The following CDHR2 variants were observed in gnomAD, a reference collection of about 807,000 sequenced individuals.
CDHR2 encodes the protein cadherin-related family member 2.
CDHR2 carries 104 observed loss-of-function variants against 138.6 expected under a neutral mutation model. That is an observed-to-expected ratio of 0.75 (90% CI 0.64 to 0.88). The LOEUF (loss-of-function observed/expected upper bound fraction) is 0.88, where lower values mean the gene tolerates loss of function less well. CDHR2 is among the 40% of genes least tolerant of loss of function. The pLI is 0.00. For synonymous variants in CDHR2, 755 were observed against 742.8 expected, an observed-to-expected ratio of 1.02 and a Z score of -0.27; for missense variants, 1,624 against 1,727.6, an observed-to-expected ratio of 0.94 and a Z score of 1.06.
Position 176,566,962 on chromosome 5 carries a change from G to A in CDHR2, c.124+1219G>A, listed in dbSNP as rs576871863. The A allele has an allele frequency of 1.3e-5, 6 of 456,302 alleles. No individual in the cohort carries two copies. In the East Asian group the frequency reaches 4.2e-4, roughly 32 times the overall value. The allele number at this position is 456,302 out of a possible 1,614,324, so 28.3% of individuals were successfully genotyped here. A position where few individuals can be genotyped will look rare whatever the true frequency, so the allele number is the denominator to read the frequency against. On this transcript the variant is annotated intron_variant, in intron 3 of 31. Transcript: ENST00000261944. ...TTGTTGCAGTGCAAAATGGAATCCA[G>A]GAATGTCGAAAGCTGCCAGATGAAA... is the stretch of plus-strand genomic sequence containing the variant.
rs772095322 is a variant in CDHR2 at position 176,590,702 on chromosome 5, GC to G, written c.3539+20del. The G allele has an allele frequency of 3.1e-6, 5 of 1,612,350 alleles. No homozygotes were observed. The highest frequency in any genetic ancestry group is 1.1e-5 in the South Asian group (1 of 91,004). ...GTGCGGAAGAGGTGCGGCTCCCATT[GC>G]CCCCGTGTCTCCAACCTTCACCCTC... On this transcript the variant is annotated intron_variant, in intron 28 of 31. Coordinates refer to ENST00000261944, the MANE Select transcript of CDHR2 (RefSeq NM_017675.6).
At chr5:176,586,616 G>A (rs1477025469) in intron 20 of CDHR2, 177 bp from the exon 21 acceptor site, 1 of 598,846 alleles carries the variant, frequency 1.7e-6, no homozygotes, top group South Asian at 2.1e-5. Context: ...CTGTGACAAT[G>A]GGAGGTGGAT....
intron 31 of CDHR2, among the ~76,000 whole-genome samples, 194 bp downstream of exon 31, chr5:176,592,974 G>A (rs1361852146): frequency 1.3e-5 from 2 of 152,190 alleles, no homozygotes; most frequent in East Asian, 1.9e-4. Flanking sequence ...GACCCTGAGA[G>A]ACTTCTTGCC....
At position 176,576,581 on chromosome 5, in the gene CDHR2, T is replaced by C. The variant is rs1482087872; in HGVS notation, c.1194+396T>C. Among the ~76,000 whole-genome samples the C allele has an allele frequency of 6.4e-5, 2 of 31,300 alleles. No individual in the cohort carries two copies. Among genetic ancestry groups the C allele is most frequent in the Non-Finnish European group, 1.3e-4 (2 of 15,988 alleles). 20.5% of individuals were successfully genotyped at this position (31,300 alleles called of 152,430 possible). A position where few individuals can be genotyped will look rare whatever the true frequency, so the allele number is the denominator to read the frequency against. On this transcript the variant is annotated intron_variant, in intron 12 of 31. Transcript: ENST00000261944. This position sits in a 1 kb window ranked among gnomAD's most constrained non-coding sequence, Gnocchi z 4.5. Reference sequence around the variant, plus strand: ...AGGGTGTGAGGTGGGAGGGTGCTCTTTTTTTTTTTTTTTGAGATGGAATTT... The same window carrying C: ...AGGGTGTGAGGTGGGAGGGTGCTCTCTTTTTTTTTTTTTGAGATGGAATTT...
rs768701236 is a variant in CDHR2, at chr5:176,590,554, T to C, written c.3415-9T>C. On this transcript the variant is annotated splice_polypyrimidine_tract_variant and intron_variant, in intron 27 of 31. Coordinates refer to ENST00000261944, the MANE Select transcript of CDHR2 (RefSeq NM_017675.6). ...CGAGTGTGCTTCCCTCACACTCATC[T>C]TTCTCCAGGGCTCCCAGGAGAGCCA... 11 of 1,613,890 alleles carry C rather than the reference T, an allele frequency of 6.8e-6. No individual in the cohort carries two copies. Among genetic ancestry groups the C allele is most frequent in the Non-Finnish European group, 9.3e-6 (11 of 1,180,008 alleles).
upstream of CDHR2, among the ~76,000 whole-genome samples, chr5:176,544,761 G>T (rs1395950801): frequency 6.6e-6 from 1 of 152,156 alleles, no homozygotes; most frequent in African/African-American, 2.4e-5. Context: ...AGGGTGGGAG[G>T]CTGTGAGTCT....
chr5:176,562,460 G>T (rs1757987899), intron 1 of CDHR2, among the ~76,000 whole-genome samples: 1 of 152,042 alleles, frequency 6.6e-6, no homozygotes, highest in Non-Finnish European at 1.5e-5. Context: ...TGGGCAGTGT[G>T]AGGGAGAGTT....
At chr5:176,560,399 T>C (rs1757938163) in intron 1 of CDHR2, among the ~76,000 whole-genome samples, 1 of 146,110 alleles carries the variant, frequency 6.8e-6, no homozygotes, top group Admixed American at 6.8e-5. Flanking sequence ...TCTGTCTCAA[T>C]AAATAAATTA....
intron 11 of CDHR2, 38 bp from the exon 12 acceptor site, chr5:176,575,914 C>T (rs1561874251): frequency 1.3e-6 from 2 of 1,585,936 alleles, no homozygotes; most frequent in African/African-American, 1.3e-5. Flanking sequence ...TCTCTGAGCA[C>T]TGGCTCTCTG....
chr5:176,550,579 G>A (rs1052512653), intron 1 of CDHR2, among the ~76,000 whole-genome samples: 6 of 152,248 alleles, frequency 3.9e-5, no homozygotes, highest in African/African-American at 1.4e-4. Context: ...TATGAGCCTC[G>A]GTTTCCTTGG....
intron 16 of CDHR2, among the ~76,000 whole-genome samples, chr5:176,581,012 C>T (rs961878120): frequency 1.4e-4 from 21 of 152,156 alleles, no homozygotes; most frequent in African/African-American, 5.1e-4. Context: ...CCCATATCCC[C>T]CTTCCTGCTA....
intron 3 of CDHR2, among the ~76,000 whole-genome samples, chr5:176,566,029 G>A (rs938506663): frequency 6.6e-6 from 1 of 151,308 alleles, no homozygotes; most frequent in East Asian, 1.9e-4. Flanking sequence ...CTGACTGGAG[G>A]ATCCCCTTGG....
intron 7 of CDHR2, among the ~76,000 whole-genome samples, chr5:176,574,531 G>A (rs1425730140): frequency 6.6e-6 from 1 of 152,164 alleles, no homozygotes; most frequent in Non-Finnish European, 1.5e-5. Context: ...CTGTATAGTC[G>A]CCCCTTGGTA....
At chr5:176,589,229 T>C in intron 22 of CDHR2, 47 bp downstream of exon 22, 1 of 1,609,884 alleles carries the variant, frequency 6.2e-7, no homozygotes, top group Non-Finnish European at 8.5e-7. Flanking sequence ...AGGGGCCCGA[T>C]AGGAGCTTTC....
At chr5:176,593,638 G>C (rs954820087) in intron 31 of CDHR2, among the ~76,000 whole-genome samples, 2 of 152,214 alleles carry the variant, frequency 1.3e-5, no homozygotes, top group African/African-American at 4.8e-5. Flanking sequence ...TGTGTGTGGT[G>C]CTGCGGGGGA....
intron 21 of CDHR2, among the ~76,000 whole-genome samples, chr5:176,588,614 TGTAA>T (rs1191445963): frequency 1.7e-4 from 24 of 143,174 alleles, no homozygotes; most frequent in African/African-American, 5.0e-4. Flanking sequence ...TGCATATGTG[TGTAA>T]GTGTGTGTTA....
chr5:176,565,588 G>A, intron 2 of CDHR2, 84 bp from the exon 3 acceptor site: 1 of 1,344,216 alleles, frequency 7.4e-7, no homozygotes, highest in Admixed American at 1.9e-5. Context: ...TGGCCATAAG[G>A]ACTAGTGTGT....
intron 19 of CDHR2, 134 bp from the exon 20 acceptor site, chr5:176,585,820 C>CGGGGTTG: frequency 1.5e-6 from 1 of 678,350 alleles, no homozygotes; most frequent in South Asian, 1.7e-5. Flanking sequence ...CTGCGGGGCA[C>CGGGGTTG]AGGGTTGAGG....
chr5:176,579,749 T>C (rs1298463726), intron 16 of CDHR2, among the ~76,000 whole-genome samples: 1 of 152,084 alleles, frequency 6.6e-6, no homozygotes, highest in Non-Finnish European at 1.5e-5. Flanking sequence ...AAGGAAAGAA[T>C]TGGTTGAGTC....
Sources: gnomAD v4.1 joint callset for allele counts (sites outside exome capture counted in the v4.1 genomes callset) on GRCh38, gnomAD v4.1.1 for gene constraint, Gnocchi (gnomAD v3.1) non-coding constraint, MANE v1.5 for transcripts, NCBI Gene and HGNC (gene_info 2026-07-23, HGNC 2026-07-21) for gene names.